Variants in FRY observed in about 807,000 individuals in gnomAD.
FRY encodes the protein FRY microtubule binding protein.
FRY carries 128 observed loss-of-function variants against 348.4 expected under a neutral mutation model. That is an observed-to-expected ratio of 0.37 (90% CI 0.32 to 0.43). FRY has a LOEUF of 0.43. Among genes scored for constraint, FRY ranks in the 20% least tolerant of loss-of-function variants. FRY has a pLI of 1.00. For synonymous variants in FRY, 1,370 were observed against 1,374.7 expected, an observed-to-expected ratio of 1.00 and a Z score of 0.08; for missense variants, 2,736 against 3,695.2, an observed-to-expected ratio of 0.74 and a Z score of 6.73.
chr13:32,212,481 G>A (rs1023154185), intron 35 of FRY, 99 bp downstream of exon 35: 35 of 754,490 alleles, frequency 4.6e-5, no homozygotes, highest in Non-Finnish European at 7.2e-5. Context: ...AATTTTACAC[G>A]TACATAAAAA....
chr13:32,097,509 C>T (rs1201729500), intron 2 of FRY, among the ~76,000 whole-genome samples: 3 of 151,568 alleles, frequency 2.0e-5, no homozygotes, highest in African/African-American at 4.9e-5. Flanking sequence ...TACAGGTGCC[C>T]GCCACCACAC....
chr13:32,289,677 G>A lies in FRY; in HGVS notation c.8514G>A (p.Leu2838=), dbSNP rs562993917. The part of the protein sequence containing the change: ...CQRLYKLHFQ[L]LLLFQSYCKL... ...GATTATATAAGCTACACTTCCAGCT[G>A]CTATTGCTTTTTCAGTCCTACTGTA... The change falls in exon 59 of 61, where the codon CTG becomes CTA. Residue 2838 remains leucine, a synonymous_variant. Coordinates refer to ENST00000542859, the MANE Select transcript of FRY (RefSeq NM_023037.3). The A allele has an allele frequency of 9.3e-6, 15 of 1,612,736 alleles. No individual in the cohort carries two copies. The highest frequency in any genetic ancestry group is 5.5e-5 in the South Asian group (5 of 91,060).
chr13:32,163,726 C>G (rs923895180), intron 17 of FRY, among the ~76,000 whole-genome samples: 7 of 152,132 alleles, frequency 4.6e-5, no homozygotes, highest in Non-Finnish European at 1.0e-4. Context: ...CTTGACAGCC[C>G]AATCCAGTGA....
At chr13:32,038,557 TTC>T (rs1208521379) in intron 1 of FRY, 3 of 152,218 alleles carry the variant, frequency 2.0e-5, no homozygotes, top group Non-Finnish European at 1.5e-5. Flanking sequence ...TAACCTCATT[TTC>T]TTTCATACTA....
intron 17 of FRY, among the ~76,000 whole-genome samples, chr13:32,167,398 G>A (rs1002276740): frequency 1.4e-4 from 21 of 152,124 alleles, no homozygotes; most frequent in African/African-American, 5.1e-4. Flanking sequence ...TGGCACTCTG[G>A]CATCCCTTGG....
intron 54 of FRY, among the ~76,000 whole-genome samples, chr13:32,266,390 T>G (rs943258880): frequency 2.0e-5 from 3 of 152,226 alleles, no homozygotes; most frequent in African/African-American, 4.8e-5. Flanking sequence ...TATCTCTGGT[T>G]TCCTTGTCTC....
intron 23 of FRY, 137 bp downstream of exon 23, chr13:32,179,936 C>CAACCAAGACGATGTAGTGG: frequency 1.2e-6 from 1 of 830,926 alleles, no homozygotes; most frequent in Non-Finnish European, 2.0e-6. Context: ...CCCACTACAT[C>CAACCAAGACGATGTAGTGG]GTCTTGGTTG....
At chr13:32,275,174 C>G (rs750255888) in intron 56 of FRY, 183 bp downstream of exon 56, 1 of 552,538 alleles carries the variant, frequency 1.8e-6, no homozygotes, top group Non-Finnish European at 3.4e-6. Context: ...GTCAGGAGAT[C>G]GAGACCATCC....
chr13:32,089,057 A>T, intron 2 of FRY, among the ~76,000 whole-genome samples: 1 of 152,256 alleles, frequency 6.6e-6, no homozygotes, highest in Non-Finnish European at 1.5e-5. Context: ...TCATTCCTTA[A>T]GGTCACTGTG....
chr13:32,055,235 G>A (rs1305218556), intron 1 of FRY, among the ~76,000 whole-genome samples: 1 of 152,052 alleles, frequency 6.6e-6, no homozygotes, highest in African/African-American at 2.4e-5. Context: ...TGTAGAGACA[G>A]GGTTTTGCCA....
At chr13:32,100,378 C>T (rs1262375034) in intron 2 of FRY, among the ~76,000 whole-genome samples, 7 of 151,986 alleles carry the variant, frequency 4.6e-5, no homozygotes, top group Admixed American at 6.5e-5. Context: ...TGCACCTGGC[C>T]GTGACTTTTT....
At chr13:32,149,528 A>C (rs894155319) in intron 13 of FRY, among the ~76,000 whole-genome samples, 2 of 152,030 alleles carry the variant, frequency 1.3e-5, no homozygotes, top group African/African-American at 4.8e-5. Flanking sequence ...TATTTTGTAT[A>C]ATGAAGGCCT....
At chr13:32,037,009 TTC>T (rs1471127484) in intron 1 of FRY, among the ~76,000 whole-genome samples, 3 of 141,894 alleles carry the variant, frequency 2.1e-5, no homozygotes, top group African/African-American at 2.7e-5. Flanking sequence ...GTCTCTCTGT[TTC>T]TCTCTCTCTC....
intron 51 of FRY, among the ~76,000 whole-genome samples, chr13:32,258,861 G>T (rs1887476927): frequency 6.6e-6 from 1 of 151,936 alleles, no homozygotes; most frequent in Non-Finnish European, 1.5e-5. Context: ...CTCTATCTAC[G>T]TATATCAGAC....
At chr13:32,104,764 C>T (rs1054036520) in intron 3 of FRY, among the ~76,000 whole-genome samples, 4 of 152,088 alleles carry the variant, frequency 2.6e-5, no homozygotes, top group African/African-American at 9.7e-5. Flanking sequence ...TCATGGGGGG[C>T]CAGTCTTCCC....
At chr13:32,173,720 G>T (rs549272477) in intron 19 of FRY, among the ~76,000 whole-genome samples, 171 bp downstream of exon 19, 6 of 152,240 alleles carry the variant, frequency 3.9e-5, no homozygotes, top group Middle Eastern at 6.8e-3. Context: ...TCTACTAGAT[G>T]TAAGTCATAT....
chr13:32,161,055 A>G, intron 16 of FRY, 89 bp from the exon 17 acceptor site: 1 of 867,686 alleles, frequency 1.2e-6, no homozygotes, highest in Non-Finnish European at 2.0e-6. Context: ...GAAGGCATGG[A>G]TTCTAGTCTT....
At chr13:32,065,089 G>T (rs546969179) in intron 1 of FRY, among the ~76,000 whole-genome samples, 1 of 152,178 alleles carries the variant, frequency 6.6e-6, no homozygotes, top group East Asian at 1.9e-4. Flanking sequence ...TCAAATTGAG[G>T]TTCTAAGATG....
chr13:32,193,488 TACATAGAGGATA>T (rs1883476361), intron 28 of FRY, among the ~76,000 whole-genome samples: 1 of 151,932 alleles, frequency 6.6e-6, no homozygotes, highest in East Asian at 1.9e-4. Context: ...TCTGAGCTAA[TACATAGAGGATA>T]CCCTTTTGTA....
Sources: gnomAD v4.1 joint callset for allele counts (sites outside exome capture counted in the v4.1 genomes callset) on GRCh38, gnomAD v4.1.1 for gene constraint, MANE v1.5 for transcripts, NCBI Gene and HGNC (gene_info 2026-07-23, HGNC 2026-07-21) for gene names.